Variants in RABGAP1L observed in about 807,000 individuals in gnomAD.
RABGAP1L encodes the protein RAB GTPase activating protein 1 like.
Under a neutral mutation model 137.7 loss-of-function variants are expected in RABGAP1L, and 63 were observed. The ratio of observed to expected loss-of-function variants is 0.46; its 90% CI spans 0.37 to 0.56. The LOEUF (loss-of-function observed/expected upper bound fraction) is 0.56. RABGAP1L is among the 20% of genes least tolerant of loss of function. RABGAP1L has a pLI of 0.00. For missense variants in RABGAP1L, 1,095 were observed against 1,244.0 expected, an observed-to-expected ratio of 0.88 and a Z score of 1.80; for synonymous variants, 431 against 433.7, an observed-to-expected ratio of 0.99 and a Z score of 0.08.
intron 13 of RABGAP1L, among the ~76,000 whole-genome samples, chr1:174,576,575 A>T (rs2148068725): frequency 6.6e-6 from 1 of 152,340 alleles, no homozygotes; most frequent in Non-Finnish European, 1.5e-5. Flanking sequence ...TACAATAATC[A>T]GAAGCATTTC....
chr1:174,410,878 A>C (rs1466662227), intron 13 of RABGAP1L, among the ~76,000 whole-genome samples: 1 of 152,102 alleles, frequency 6.6e-6, no homozygotes, highest in African/African-American at 2.4e-5. Flanking sequence ...ATGATCGTGG[A>C]ATTTTTTAAA....
At position 174,652,799 on chromosome 1, in the gene RABGAP1L, C is replaced by T. The variant is rs186481249; in HGVS notation, c.1824+15311C>T. On this transcript the variant is annotated intron_variant, in intron 14 of 25. Coordinates refer to ENST00000681986, the MANE Select transcript of RABGAP1L (RefSeq NM_001366446.1). ...TCTGGAACCCACTTGAGGTGGCAGT[C>T]TGTCCCTTAGCAGAACTCAAGCACA... Among the ~76,000 whole-genome samples the T allele has an allele frequency of 3.3e-5, 5 of 152,326 alleles. No homozygotes were observed. The East Asian group carries it at 7.7e-4, about 24-fold the overall frequency.
At chr1:174,757,187 C>G (rs966422083) in intron 18 of RABGAP1L, 2 of 339,688 alleles carry the variant, frequency 5.9e-6, no homozygotes, top group African/African-American at 4.4e-5. Context: ...CTGCTCCTGC[C>G]TATACCTCAA....
chr1:174,273,330 T>TAA (rs1312199875), intron 8 of RABGAP1L, among the ~76,000 whole-genome samples: 2 of 152,052 alleles, frequency 1.3e-5, no homozygotes, highest in African/African-American at 4.8e-5. Flanking sequence ...GTTTGTCTGC[T>TAA]AAGTGTTGTG....
At chr1:174,192,311 C>T (rs1451248087) in intron 1 of RABGAP1L, among the ~76,000 whole-genome samples, 3 of 141,436 alleles carry the variant, frequency 2.1e-5, no homozygotes, top group Non-Finnish European at 4.5e-5. Flanking sequence ...ATCCACCTGT[C>T]TGAGGTGTTT....
chr1:174,279,366 T>G (rs1183802764), intron 10 of RABGAP1L, among the ~76,000 whole-genome samples: 2 of 152,156 alleles, frequency 1.3e-5, no homozygotes, highest in African/African-American at 4.8e-5. Context: ...GAAAAATAAC[T>G]TGAATGCTAA....
intron 13 of RABGAP1L, among the ~76,000 whole-genome samples, chr1:174,468,200 T>C (rs1436526039): frequency 6.6e-6 from 1 of 152,154 alleles, no homozygotes; most frequent in Non-Finnish European, 1.5e-5. Flanking sequence ...GTTTCTTTTA[T>C]ATTGTATAGT....
chr1:174,496,740 C>T (rs942294552), intron 13 of RABGAP1L, among the ~76,000 whole-genome samples: 2 of 152,122 alleles, frequency 1.3e-5, no homozygotes, highest in African/African-American at 4.8e-5. Flanking sequence ...CCTCCTTGTA[C>T]CTAGTTGCCA....
rs919681312 is a variant in RABGAP1L at position 174,171,998 on chromosome 1, C to CTAAA, written c.-34+12358_-34+12361dup. On this transcript the variant is annotated intron_variant, in intron 1 of 25. Transcript: ENST00000681986. ...CCTGGGCGACAGAGTGAGACTCCAT[C>CTAAA]TAAATAAATAAATAAATAAAAAGTA... Among the ~76,000 whole-genome samples the CTAAA allele has an allele frequency of 4.0e-5, 6 of 151,874 alleles. No homozygotes were observed. In the East Asian group the frequency reaches 7.7e-4, roughly 20 times the overall value.
intron 17 of RABGAP1L, among the ~76,000 whole-genome samples, chr1:174,710,490 C>T (rs1680395895): frequency 6.6e-6 from 1 of 152,150 alleles, no homozygotes; most frequent in Admixed American, 6.5e-5. Flanking sequence ...CTGCAGAAAC[C>T]CTGCAAGCTA....
At chr1:174,749,419 T>C (rs1212366577) in intron 17 of RABGAP1L, among the ~76,000 whole-genome samples, 1 of 151,726 alleles carries the variant, frequency 6.6e-6, no homozygotes, top group Admixed American at 6.6e-5. Context: ...CAGCTCAACC[T>C]CCTCAGTTCA....
At chr1:174,851,284 C>T (rs1240498013) in intron 19 of RABGAP1L, among the ~76,000 whole-genome samples, 1 of 152,182 alleles carries the variant, frequency 6.6e-6, no homozygotes, top group African/African-American at 2.4e-5. Flanking sequence ...ATATTCCCTC[C>T]AGTCTGGGTG....
intron 14 of RABGAP1L, among the ~76,000 whole-genome samples, chr1:174,651,969 G>C (rs2148393595): frequency 6.6e-6 from 1 of 152,258 alleles, no homozygotes; most frequent in South Asian, 2.1e-4. Flanking sequence ...TGCAGTGGCT[G>C]GTACCGGTTG....
At chr1:174,797,484 G>T (rs866942564) in intron 18 of RABGAP1L, among the ~76,000 whole-genome samples, 139 of 148,078 alleles carry the variant, frequency 9.4e-4, no homozygotes, top group Middle Eastern at 3.4e-3. Flanking sequence ...GTGTTGGGGG[G>T]GTGTGTGTGT....
In RABGAP1L at chr1:174,206,281, G is replaced by C. The variant is rs185961095; in HGVS notation, c.-33-12844G>C. Among the ~76,000 whole-genome samples the C allele has an allele frequency of 2.0e-5, 3 of 152,266 alleles. No individual in the cohort carries two copies. In the East Asian group the frequency reaches 5.8e-4, roughly 29 times the overall value. On this transcript the variant is annotated intron_variant, in intron 1 of 25. Transcript: ENST00000681986. Reference sequence around the variant, plus strand: ...TAATGTGAATTAATAAAGTTCTTTTGTCCCCTTTTCAGAGCTAGAGACATA... The same window carrying C: ...TAATGTGAATTAATAAAGTTCTTTTCTCCCCTTTTCAGAGCTAGAGACATA...
chr1:174,185,219 T>G (rs1240094244), intron 1 of RABGAP1L, among the ~76,000 whole-genome samples: 1 of 152,228 alleles, frequency 6.6e-6, no homozygotes, highest in African/African-American at 2.4e-5. Context: ...TATAATCTTT[T>G]AGATCTATTA....
At chr1:174,503,558 G>T (rs558308147) in intron 13 of RABGAP1L, among the ~76,000 whole-genome samples, 30 of 151,396 alleles carry the variant, frequency 2.0e-4, no homozygotes, top group African/African-American at 6.8e-4. Flanking sequence ...CTACTGGGGA[G>T]GCTGAGGCAG....
At chr1:174,808,313 G>A (rs1689527701) in intron 18 of RABGAP1L, among the ~76,000 whole-genome samples, 2 of 151,966 alleles carry the variant, frequency 1.3e-5, no homozygotes, top group African/African-American at 4.8e-5. Flanking sequence ...AACGTAGCTG[G>A]CATGGTGGCA....
rs181197814 is a variant in RABGAP1L, at chr1:174,766,140, C to T, written c.2211+13786C>T. 5.6e-4 allele frequency among the ~76,000 whole-genome samples: 86 copies of T among 152,304 alleles called. 1 individual carries two copies. Among genetic ancestry groups the T allele is most frequent in the East Asian group, 5.6e-3 (29 of 5,184 alleles). ...ATCATGCAAAGTCACAGGGAGAAGACAGCCATCTACAAGCCAAAGTGTGAG... is the reference window on the plus strand; with the variant it reads ...ATCATGCAAAGTCACAGGGAGAAGATAGCCATCTACAAGCCAAAGTGTGAG... On this transcript the variant is annotated intron_variant, in intron 18 of 25. Transcript: ENST00000681986.
Sources: gnomAD v4.1 joint callset for allele counts (sites outside exome capture counted in the v4.1 genomes callset) on GRCh38, gnomAD v4.1.1 for gene constraint, MANE v1.5 for transcripts, NCBI Gene and HGNC (gene_info 2026-07-23, HGNC 2026-07-21) for gene names.